The following TRHDE variants were observed in gnomAD, a reference collection of about 807,000 sequenced individuals.
TRHDE encodes thyrotropin-releasing hormone-degrading ectoenzyme.
In TRHDE, 72 loss-of-function variants were observed where a neutral mutation model predicts 125.7. The ratio of observed to expected loss-of-function variants is 0.57; its 90% CI spans 0.47 to 0.70. The LOEUF (loss-of-function observed/expected upper bound fraction) is 0.70. Ranked by LOEUF, TRHDE falls within the 30% of genes least tolerant of loss-of-function variation. The probability of loss-of-function intolerance (pLI) is 0.00; values close to 1 mark genes in which losing one functional copy is unlikely to be tolerated. For synonymous variants in TRHDE, 509 were observed against 509.1 expected (o/e 1.00, Z 0.00); for missense variants, 1,110 against 1,327.1 (o/e 0.84, Z 2.54).
chr12:72,368,629 T>G (rs956241233), intron 2 of TRHDE, among the ~76,000 whole-genome samples: 2 of 152,120 alleles, frequency 1.3e-5, no homozygotes, highest in African/African-American at 4.8e-5. Context: ...GAAGGGAGCT[T>G]TTGTCTTTTG....
chr12:72,429,319 C>T (rs554485185), intron 3 of TRHDE, among the ~76,000 whole-genome samples: 6 of 146,378 alleles, frequency 4.1e-5, no homozygotes, highest in African/African-American at 1.0e-4. Context: ...GTTCTGCACA[C>T]GTAACCCAGA....
At chr12:72,103,512 A>G (rs75056826) in intron 1 of TRHDE, among the ~76,000 whole-genome samples, 4,257 of 152,114 alleles carry the variant, frequency 0.028, 112 homozygotes, top group East Asian at 0.11. Flanking sequence ...ACCCTGTTAT[A>G]CAATTTTCAT....
intron 2 of TRHDE, among the ~76,000 whole-genome samples, chr12:72,187,835 T>G (rs1439491138): frequency 4.6e-5 from 7 of 152,316 alleles, no homozygotes; most frequent in Admixed American, 3.3e-4. Flanking sequence ...TTGAAAGATA[T>G]GTACTGCCTC....
chr12:72,448,748 G>GA (rs36100035), intron 3 of TRHDE, among the ~76,000 whole-genome samples: 22,435 of 147,986 alleles, frequency 0.15, 2,822 homozygotes, highest in African/African-American at 0.34. Flanking sequence ...AGCAATTTAG[G>GA]AAAAAAAAAT....
chr12:72,177,562 T>C (rs1266606137), intron 2 of TRHDE, among the ~76,000 whole-genome samples: 2 of 152,112 alleles, frequency 1.3e-5, no homozygotes, highest in Non-Finnish European at 2.9e-5. Flanking sequence ...TGAGTAAATA[T>C]ATATTATAAA....
chr12:72,339,328 T>C (rs4303274), intron 2 of TRHDE, among the ~76,000 whole-genome samples: 6,409 of 152,288 alleles, frequency 0.042, 470 homozygotes, highest in African/African-American at 0.14. Flanking sequence ...CTAGTATTAC[T>C]ATCTTCATCC....
intron 7 of TRHDE, among the ~76,000 whole-genome samples, chr12:72,554,702 C>G (rs1353399184): frequency 6.6e-6 from 1 of 152,118 alleles, no homozygotes; most frequent in Non-Finnish European, 1.5e-5. Flanking sequence ...AAAAGCAATT[C>G]ACAAATTTCA....
At chr12:72,434,230 C>A (rs1427359683) in intron 3 of TRHDE, among the ~76,000 whole-genome samples, 1 of 151,484 alleles carries the variant, frequency 6.6e-6, no homozygotes, top group Non-Finnish European at 1.5e-5. Context: ...ACTAAAAATA[C>A]AAAAATTAGC....
intron 6 of TRHDE, among the ~76,000 whole-genome samples, chr12:72,529,879 A>G (rs11179238): frequency 0.13 from 20,295 of 152,166 alleles, 1,431 homozygotes; most frequent in Middle Eastern, 0.23. Context: ...ATTAGAAGCA[A>G]TAAACAAATC....
intron 3 of TRHDE, among the ~76,000 whole-genome samples, chr12:72,462,156 T>C (rs1393554632): frequency 3.9e-5 from 6 of 152,118 alleles, no homozygotes; most frequent in Non-Finnish European, 8.8e-5. Context: ...ACTTGGATTG[T>C]GATTGAGATG....
chr12:72,646,581 G>T (rs189965341), intron 15 of TRHDE, among the ~76,000 whole-genome samples: 1 of 152,144 alleles, frequency 6.6e-6, no homozygotes, highest in African/African-American at 2.4e-5. Flanking sequence ...CACAGTGTTG[G>T]TAAGAGTCTC....
intron 2 of TRHDE, among the ~76,000 whole-genome samples, chr12:72,340,971 C>T (rs1870057502): frequency 1.3e-5 from 2 of 152,054 alleles, no homozygotes; most frequent in Non-Finnish European, 2.9e-5. Flanking sequence ...GTGACTTTAA[C>T]CCAGCTAAGC....
intron 5 of TRHDE, among the ~76,000 whole-genome samples, chr12:72,499,090 G>A (rs979972356): frequency 3.3e-5 from 5 of 152,130 alleles, no homozygotes; most frequent in South Asian, 2.1e-4. Context: ...AATAACAGAA[G>A]GTTAGTACTT....
chr12:72,430,052 T>G (rs1382101002), intron 3 of TRHDE, among the ~76,000 whole-genome samples: 1 of 151,588 alleles, frequency 6.6e-6, no homozygotes, highest in Non-Finnish European at 1.5e-5. Context: ...TTGTTTTGTT[T>G]TTGGTGTCAT....
chr12:72,319,078 G>T (rs952166584), intron 2 of TRHDE, among the ~76,000 whole-genome samples: 2 of 152,104 alleles, frequency 1.3e-5, no homozygotes, highest in African/African-American at 4.8e-5. Flanking sequence ...GGGTAGGATG[G>T]GAGGTCACCA....
At chr12:72,547,933 T>A (rs2135994086) in intron 7 of TRHDE, among the ~76,000 whole-genome samples, 1 of 151,992 alleles carries the variant, frequency 6.6e-6, no homozygotes, top group African/African-American at 2.4e-5. Flanking sequence ...TCATTTTTGT[T>A]TGTGGTATAC....
At chr12:72,565,696 C>T (rs1592540168) in intron 9 of TRHDE, among the ~76,000 whole-genome samples, 2 of 152,204 alleles carry the variant, frequency 1.3e-5, no homozygotes, top group Admixed American at 1.3e-4. Flanking sequence ...TGGACAAATG[C>T]TTCATTAATA....
chr12:72,423,817 G>A (rs1874064736), intron 3 of TRHDE, among the ~76,000 whole-genome samples: 1 of 152,014 alleles, frequency 6.6e-6, no homozygotes, highest in South Asian at 2.1e-4. Context: ...AAGCAGAAGA[G>A]GAATCAGAGA....
chr12:72,193,782 A>G (rs1877384351), intron 2 of TRHDE, among the ~76,000 whole-genome samples: 1 of 152,112 alleles, frequency 6.6e-6, no homozygotes, highest in Non-Finnish European at 1.5e-5. Context: ...ATAAAGAGAT[A>G]TGTTTTCTCA....
Sources: gnomAD v4.1 joint callset for allele counts (sites outside exome capture counted in the v4.1 genomes callset) on GRCh38, gnomAD v4.1.1 for gene constraint, MANE v1.5 for transcripts, NCBI Gene and HGNC (gene_info 2026-07-23, HGNC 2026-07-21) for gene names.